Variants in PCDHA2 observed in about 807,000 individuals in gnomAD.
PCDHA2 encodes the protein protocadherin alpha 2.
In PCDHA2, 58 loss-of-function variants were observed where a neutral mutation model predicts 66.0. The ratio of observed to expected loss-of-function variants is 0.88; its 90% CI spans 0.71 to 1.09. The LOEUF (loss-of-function observed/expected upper bound fraction) is 1.09. Ranked by LOEUF, PCDHA2 falls within the 50% of genes least tolerant of loss-of-function variation. The pLI, the probability that PCDHA2 is intolerant of heterozygous loss-of-function variation, is 0.00. For synonymous variants in PCDHA2, 634 were observed against 554.0 expected (o/e 1.14, Z -2.03); for missense variants, 1,267 against 1,242.3 (o/e 1.02, Z -0.30).
At chr5:140,811,829 C>T (rs1351316701) in intron 1 of PCDHA2, 4 of 152,080 alleles carry the variant, frequency 2.6e-5, no homozygotes, top group African/African-American at 4.8e-5. Flanking sequence ...TATCCTTTGC[C>T]CACTTTTTGA....
At chr5:140,874,058 T>C (rs1454224127) in intron 1 of PCDHA2, among the ~76,000 whole-genome samples, 1 of 152,234 alleles carries the variant, frequency 6.6e-6, no homozygotes, top group African/African-American at 2.4e-5. Context: ...TTAGACAATT[T>C]AAATAATTAG....
At chr5:140,807,032 A>T in intron 1 of PCDHA2, 1 of 901,256 alleles carries the variant, frequency 1.1e-6, no homozygotes, top group Non-Finnish European at 1.7e-6. Flanking sequence ...AAGGAGGAAG[A>T]AGGGAAAATT....
intron 1 of PCDHA2, 52 bp from the exon 2 acceptor site, chr5:140,978,897 G>T: frequency 6.2e-7 from 1 of 1,612,776 alleles, no homozygotes; most frequent in Non-Finnish European, 8.5e-7. Context: ...AGCATTCCTG[G>T]GAGAACATTG....
At position 140,870,533 on chromosome 5, in the gene PCDHA2, C is replaced by A. The variant is rs1185177447; in HGVS notation, c.2388+73181C>A. The A allele has an allele frequency of 1.9e-6, 3 of 1,614,050 alleles. No individual in the cohort carries two copies. The African/African-American group carries it at 4.0e-5, about 22-fold the overall frequency. ...CCAGGCTGCCACATCTTCACAGTGTCGGCGCGGGACGCGGACGCGCAGGAG... is the reference window on the plus strand; with the variant it reads ...CCAGGCTGCCACATCTTCACAGTGTAGGCGCGGGACGCGGACGCGCAGGAG... On this transcript the variant is annotated intron_variant, in intron 1 of 3. Transcript: ENST00000526136.
chr5:140,841,723 G>C, intron 1 of PCDHA2: 1 of 1,613,856 alleles, frequency 6.2e-7, no homozygotes. Context: ...CAGTGTTCCG[G>C]GTAAAAGACC....
chr5:141,007,470 A>G (rs1395064697), intron 3 of PCDHA2, among the ~76,000 whole-genome samples: 2 of 151,494 alleles, frequency 1.3e-5, no homozygotes. Context: ...CAGGAGGCTG[A>G]GGCACGAGAA....
intron 1 of PCDHA2, chr5:140,927,653 G>T: frequency 6.2e-7 from 1 of 1,614,190 alleles, no homozygotes; most frequent in Non-Finnish European, 8.5e-7. Context: ...GTGTTATTCC[G>T]AGTTCAAGCC....
rs1386939569 is a variant in PCDHA2 at position 140,856,853 on chromosome 5, G to C, written c.2388+59501G>C. The C allele has an allele frequency of 6.9e-6, 11 of 1,594,152 alleles. 1 individual carries two copies. The highest frequency in any genetic ancestry group is 9.4e-6 in the Non-Finnish European group (11 of 1,164,260). ...AATACGGCTCAACGCTTCTGATTCG[G>C]ATGAAGGAATAAACAAGGAAATGAT... On this transcript the variant is annotated intron_variant, in intron 1 of 3. Coordinates refer to ENST00000526136, the MANE Select transcript of PCDHA2 (RefSeq NM_018905.3).
chr5:140,856,884 C>T, intron 1 of PCDHA2: 1 of 1,596,124 alleles, frequency 6.3e-7, no homozygotes. Context: ...ATGATGTATT[C>T]ATTTAGCTCT....
intron 1 of PCDHA2, among the ~76,000 whole-genome samples, chr5:140,909,547 C>T (rs2074573960): frequency 1.3e-5 from 2 of 152,278 alleles, no homozygotes; most frequent in Non-Finnish European, 2.9e-5. Context: ...GATGGTGGCA[C>T]TAATCTCTGC....
intron 1 of PCDHA2, chr5:140,929,083 A>G (rs1554206659): frequency 1.2e-6 from 2 of 1,614,156 alleles, no homozygotes; most frequent in Admixed American, 3.3e-5. Context: ...TGGAAGTAAG[A>G]TGGTTTCAAA....
intron 1 of PCDHA2, chr5:140,850,828 C>T: frequency 6.3e-7 from 1 of 1,598,230 alleles, no homozygotes; most frequent in African/African-American, 1.3e-5. Context: ...GGCCTTTCTC[C>T]TTGTGCTGGA....
At chr5:140,989,319 A>G (rs1291622013) in intron 3 of PCDHA2, among the ~76,000 whole-genome samples, 1 of 152,138 alleles carries the variant, frequency 6.6e-6, no homozygotes, top group Admixed American at 6.5e-5. Context: ...GGGTCTCACC[A>G]ACTTTGCCAC....
intron 3 of PCDHA2, among the ~76,000 whole-genome samples, chr5:140,996,287 A>C (rs1200123512): frequency 2.0e-5 from 3 of 152,258 alleles, no homozygotes; most frequent in African/African-American, 4.8e-5. Context: ...AAATTTCAAG[A>C]AGCACAGATT....
chr5:140,863,400 G>A, intron 1 of PCDHA2: 2 of 854,178 alleles, frequency 2.3e-6, no homozygotes, highest in Admixed American at 1.9e-5. Flanking sequence ...TGCCGGGCAA[G>A]CCCACGCTGG....
intron 1 of PCDHA2, chr5:140,802,323 G>C: frequency 1.9e-6 from 3 of 1,614,220 alleles, no homozygotes; most frequent in Non-Finnish European, 2.5e-6. Context: ...CAGCGTGTCC[G>C]ACCGCGACTC....
At chr5:140,928,165 C>T (rs1554205580) in intron 1 of PCDHA2, 3 of 1,614,200 alleles carry the variant, frequency 1.9e-6, no homozygotes, top group East Asian at 2.2e-5. Context: ...CTCACCCCCA[C>T]TTAGCACCCG....
At chr5:140,940,572 C>G (rs1315567614) in intron 1 of PCDHA2, among the ~76,000 whole-genome samples, 1 of 152,096 alleles carries the variant, frequency 6.6e-6, no homozygotes, top group African/African-American at 2.4e-5. Context: ...CCTTGGCTCC[C>G]AAAGTGTTGG....
At chr5:140,871,075 C>A in intron 1 of PCDHA2, 1 of 1,613,242 alleles carries the variant, frequency 6.2e-7, no homozygotes. Context: ...TGAGCCGGCG[C>A]TGACGGCCAC....
Sources: gnomAD v4.1 joint callset for allele counts (sites outside exome capture counted in the v4.1 genomes callset) on GRCh38, gnomAD v4.1.1 for gene constraint, MANE v1.5 for transcripts, NCBI Gene and HGNC (gene_info 2026-07-23, HGNC 2026-07-21) for gene names.